VIPR2: variants seen among roughly 807,000 people sequenced by gnomAD.
The protein encoded by VIPR2 is vasoactive intestinal peptide receptor 2.
VIPR2 carries 48 observed loss-of-function variants against 58.0 expected under a neutral mutation model. The ratio of observed to expected loss-of-function variants is 0.83; its 90% confidence interval spans 0.66 to 1.05. The LOEUF (loss-of-function observed/expected upper bound fraction) is 1.05, where lower values mean the gene tolerates loss of function less well. Ranked by LOEUF, VIPR2 falls within the 50% of genes least tolerant of loss-of-function variation. The pLI, the probability that VIPR2 is intolerant of heterozygous loss-of-function variation, is 0.00. For synonymous variants in VIPR2, 243 were observed against 235.2 expected (o/e 1.03, Z -0.30); for missense variants, 534 against 558.0 (o/e 0.96, Z 0.43).
chr7:159,116,405 T>C (rs1796238868), intron 2 of VIPR2, among the ~76,000 whole-genome samples: 1 of 152,144 alleles, frequency 6.6e-6, no homozygotes, highest in Non-Finnish European at 1.5e-5. Flanking sequence ...GCATGGTCAG[T>C]GCCCGCATGG....
chr7:159,118,504 C>T (rs779425394), intron 2 of VIPR2, among the ~76,000 whole-genome samples: 4 of 152,284 alleles, frequency 2.6e-5, no homozygotes, highest in Non-Finnish European at 4.4e-5. Context: ...CCTGATCCTG[C>T]CTCTTCCTGT....
At chr7:159,046,116 A>G (rs1854636104) in intron 5 of VIPR2, among the ~76,000 whole-genome samples, 2 of 152,314 alleles carry the variant, frequency 1.3e-5, no homozygotes, top group South Asian at 4.1e-4. Flanking sequence ...ACCCTCATAT[A>G]TTGCTAGTGG....
At chr7:159,105,526 A>G (rs1382886788) in intron 3 of VIPR2, among the ~76,000 whole-genome samples, 1 of 152,188 alleles carries the variant, frequency 6.6e-6, no homozygotes, top group South Asian at 2.1e-4. Flanking sequence ...TGAGAGGCAG[A>G]GAGAGGGCCG....
At chr7:159,058,859 G>A (rs779407544) in intron 4 of VIPR2, among the ~76,000 whole-genome samples, 6 of 152,328 alleles carry the variant, frequency 3.9e-5, no homozygotes, top group Middle Eastern at 3.4e-3. Context: ...CCACCATCAG[G>A]GAAAGCAAAG....
In VIPR2 at chr7:159,036,022, G is replaced by C. The variant is rs759327243; in HGVS notation, c.749-10C>G. ...CAGACGGTGGGGAGGCCTGCAGAGA[G>C]ACGCCTGGTTACACAGGTGGAGCGG... On this transcript the variant is annotated splice_polypyrimidine_tract_variant and intron_variant, in intron 7 of 12. Transcript: ENST00000262178. 1.3e-5 allele frequency: 21 copies of C among 1,612,604 alleles called. No individual in the cohort carries two copies. In the South Asian group the frequency reaches 1.4e-4, roughly 11 times the overall value.
intron 2 of VIPR2, among the ~76,000 whole-genome samples, chr7:159,137,038 G>T (rs1037961145): frequency 6.6e-6 from 1 of 152,122 alleles, no homozygotes; most frequent in East Asian, 1.9e-4. Context: ...GTGGGAGCTT[G>T]CTGTGTCTGG....
intron 1 of VIPR2, chr7:159,144,326 A>C (rs763931741): frequency 6.6e-7 from 1 of 1,525,602 alleles, no homozygotes; most frequent in Non-Finnish European, 8.8e-7. Flanking sequence ...ACCGAGAGGC[A>C]TCTGCGGCCA....
rs1428533719 is a variant in VIPR2, at chr7:159,031,526, G to T, written c.1143+302C>A. On this transcript the variant is annotated intron_variant, in intron 12 of 12. Coordinates refer to ENST00000262178, the MANE Select transcript of VIPR2 (RefSeq NM_003382.5). The surrounding 1 kb of genome is among the most constrained non-coding windows in gnomAD (Gnocchi z 4.0). The stretch of plus-strand genomic sequence containing the variant: ...GGTCAGGAGCGAGACGCCGACCATG[G>T]GGAAAAACAGATTCTGTCTAGACCC... 1 of 985,274 alleles carries T rather than the reference G, an allele frequency of 1.0e-6. No individual in the cohort carries two copies. The highest frequency in any genetic ancestry group is 1.2e-6 in the Non-Finnish European group (1 of 829,932). The allele number at this position is 985,274 out of a possible 1,614,324, so 61.0% of individuals were successfully genotyped here.
At chr7:159,141,014 T>C (rs947056358) in intron 2 of VIPR2, among the ~76,000 whole-genome samples, 5 of 152,094 alleles carry the variant, frequency 3.3e-5, no homozygotes, top group Non-Finnish European at 5.9e-5. Context: ...TAATATCCCA[T>C]GAAAACAGGA....
At chr7:159,094,492 C>G (rs1225633297) in intron 4 of VIPR2, among the ~76,000 whole-genome samples, 1 of 152,222 alleles carries the variant, frequency 6.6e-6, no homozygotes, top group Non-Finnish European at 1.5e-5. Context: ...GCCACGTGCA[C>G]AGGCACCGGA....
chr7:159,071,181 G>A (rs1198186825), intron 4 of VIPR2, among the ~76,000 whole-genome samples: 3 of 152,238 alleles, frequency 2.0e-5, no homozygotes, highest in African/African-American at 4.8e-5. Context: ...ACATGGTCAT[G>A]AGGAACTGTG....
chr7:159,111,184 G>A (rs984456644), intron 2 of VIPR2, among the ~76,000 whole-genome samples: 14 of 151,600 alleles, frequency 9.2e-5, no homozygotes, highest in Non-Finnish European at 2.9e-5. Context: ...GGCAGGTGGT[G>A]GAGAGGTGTC....
chr7:159,085,444 T>C (rs1271972549), intron 4 of VIPR2, among the ~76,000 whole-genome samples: 1 of 152,176 alleles, frequency 6.6e-6, no homozygotes, highest in Non-Finnish European at 1.5e-5. Flanking sequence ...TACAGGCACG[T>C]GCCACCACGC....
intron 2 of VIPR2, among the ~76,000 whole-genome samples, chr7:159,134,480 G>GA (rs1192309771): frequency 6.6e-6 from 1 of 152,048 alleles, no homozygotes; most frequent in Non-Finnish European, 1.5e-5. Context: ...TAAAAAAGAA[G>GA]AAAATGAGTA....
At chr7:159,032,174 C>T in intron 10 of VIPR2, 107 bp from the exon 11 acceptor site, 1 of 1,477,360 alleles carries the variant, frequency 6.8e-7, no homozygotes, top group East Asian at 2.4e-5. Flanking sequence ...AGGGGCTCCA[C>T]ACCTCCTCTC....
At chr7:159,135,901 C>T (rs998929425) in intron 2 of VIPR2, among the ~76,000 whole-genome samples, 10 of 152,172 alleles carry the variant, frequency 6.6e-5, no homozygotes, top group East Asian at 3.8e-4. Context: ...ACTCATCCCA[C>T]GACACGAGGC....
intron 6 of VIPR2, among the ~76,000 whole-genome samples, chr7:159,040,822 G>A (rs1038591058): frequency 6.6e-6 from 1 of 152,234 alleles, no homozygotes; most frequent in Non-Finnish European, 1.5e-5. Context: ...GACAGCGAGA[G>A]GGAAGACCCA....
chr7:159,080,758 C>A (rs1381822687), intron 4 of VIPR2, among the ~76,000 whole-genome samples: 2 of 152,130 alleles, frequency 1.3e-5, no homozygotes, highest in East Asian at 1.9e-4. Context: ...TGATAAGCAA[C>A]TTCAGCAAAG....
intron 5 of VIPR2, among the ~76,000 whole-genome samples, chr7:159,054,427 G>A (rs561166313): frequency 3.3e-5 from 5 of 152,234 alleles, no homozygotes; most frequent in South Asian, 2.1e-4. Context: ...GACAAAATCC[G>A]TAATACTCGT....
Sources: gnomAD v4.1 joint callset for allele counts (sites outside exome capture counted in the v4.1 genomes callset) on GRCh38, gnomAD v4.1.1 for gene constraint, Gnocchi (gnomAD v3.1) non-coding constraint, MANE v1.5 for transcripts, NCBI Gene and HGNC (gene_info 2026-07-23, HGNC 2026-07-21) for gene names.